The following ARMH3 variants were observed in gnomAD, a reference collection of about 807,000 sequenced individuals.
ARMH3 encodes the protein armadillo-like helical domain-containing protein 3.
ARMH3 carries 60 observed loss-of-function variants against 99.1 expected under a neutral mutation model. The ratio of observed to expected loss-of-function variants is 0.61; its 90% confidence interval spans 0.49 to 0.75. The LOEUF (loss-of-function observed/expected upper bound fraction) is 0.75, where lower values mean the gene tolerates loss of function less well. Among genes scored for constraint, ARMH3 ranks in the 30% least tolerant of loss-of-function variants. The probability of loss-of-function intolerance (pLI) is 0.00; values close to 1 mark genes in which losing one functional copy is unlikely to be tolerated. For missense variants in ARMH3, 679 were observed against 843.1 expected (o/e 0.81, Z 2.41); for synonymous variants, 285 against 292.8 (o/e 0.97, Z 0.27).
At chr10:101,914,623 TG>T (rs1307318233) in intron 23 of ARMH3, among the ~76,000 whole-genome samples, 3 of 151,964 alleles carry the variant, frequency 2.0e-5, no homozygotes, top group Non-Finnish European at 4.4e-5. Context: ...CCCAGCACTT[TG>T]GGAGGCCGAG....
At chr10:102,011,697 G>T (rs772046777) in intron 11 of ARMH3, 26 bp downstream of exon 11, 1 of 1,569,380 alleles carries the variant, frequency 6.4e-7, no homozygotes. Flanking sequence ...GTTTTTTTCA[G>T]GAGAAAAAAA....
At chr10:101,944,551 C>T (rs1350371321) in intron 22 of ARMH3, among the ~76,000 whole-genome samples, 2 of 152,034 alleles carry the variant, frequency 1.3e-5, no homozygotes, top group African/African-American at 2.4e-5. Flanking sequence ...TGGTTACTCA[C>T]GCTTGTAATC....
In ARMH3 at chr10:101,921,389, G is replaced by T. The variant is rs79234761; in HGVS notation, c.1781+18474C>A. Among the ~76,000 whole-genome samples, 777 of 152,252 alleles carry T rather than the reference G, an allele frequency of 5.1e-3. 6 individuals are homozygous for T. The highest frequency in any genetic ancestry group is 0.017 in the African/African-American group (712 of 41,534). ...GAAGGGTCATGAGGGAACTTTCTAGGTTGAACTTTCTGGGGTTCTATGTCC... is the reference window on the plus strand; with the variant it reads ...GAAGGGTCATGAGGGAACTTTCTAGTTTGAACTTTCTGGGGTTCTATGTCC... On this transcript the variant is annotated intron_variant, in intron 23 of 25. Coordinates refer to ENST00000370033, the MANE Select transcript of ARMH3 (RefSeq NM_024541.3).
chr10:101,903,047 G>A (rs1226366782), intron 23 of ARMH3, among the ~76,000 whole-genome samples: 1 of 152,206 alleles, frequency 6.6e-6, no homozygotes, highest in Non-Finnish European at 1.5e-5. Flanking sequence ...ATACCAGAAA[G>A]AGCAGTAAGT....
chr10:102,011,712 G>A lies in ARMH3; in HGVS notation c.831+11C>T, dbSNP rs1590180830. The A allele has an allele frequency of 1.3e-6, 2 of 1,578,676 alleles. No homozygotes were observed. The highest frequency in any genetic ancestry group is 1.7e-6 in the Non-Finnish European group (2 of 1,162,624). ...GTTTTTTTCAGGAGAAAAAAAAAAAGCAGGACTTACCATATTTGTTAAAGC... is the reference window on the plus strand; with the variant it reads ...GTTTTTTTCAGGAGAAAAAAAAAAAACAGGACTTACCATATTTGTTAAAGC... On this transcript the variant is annotated intron_variant, in intron 11 of 25. Transcript: ENST00000370033.
intron 21 of ARMH3, among the ~76,000 whole-genome samples, chr10:101,957,362 C>CA (rs1216150407): frequency 6.6e-6 from 1 of 152,144 alleles, no homozygotes; most frequent in Admixed American, 6.5e-5. Context: ...CAGTAGTATA[C>CA]AGCAGTCTCT....
intron 8 of ARMH3, among the ~76,000 whole-genome samples, chr10:102,014,252 C>A (rs2066694995): frequency 6.6e-6 from 1 of 152,160 alleles, no homozygotes; most frequent in Admixed American, 6.5e-5. Flanking sequence ...ATACACACCT[C>A]AGTTCTGTTC....
At position 102,025,189 on chromosome 10, in the gene ARMH3, ACT is replaced by A; in HGVS notation, c.472_473del (p.Ser158PhefsTer15). On this transcript the variant is annotated frameshift_variant, in exon 6 of 26. Coordinates refer to ENST00000370033, the MANE Select transcript of ARMH3 (RefSeq NM_024541.3). LOFTEE classifies it high-confidence loss of function. ...LCAEGSESLK[S>X]LCLKLLLCLV... is the part of the protein sequence containing the mutation. Reference sequence around the variant, plus strand: ...AGCAAAGGAGAAGTTTCAGACATAAACTCTTCAGACTTTCAGAACCTTCTGCA... The same window carrying A: ...AGCAAAGGAGAAGTTTCAGACATAAACTTCAGACTTTCAGAACCTTCTGCA... 6.2e-7 allele frequency: 1 copy of A among 1,613,818 alleles called. No homozygotes were observed. The highest frequency in any genetic ancestry group is 1.1e-5 in the South Asian group (1 of 91,056).
At chr10:101,976,840 G>T (rs1202511557) in intron 19 of ARMH3, among the ~76,000 whole-genome samples, 2 of 152,052 alleles carry the variant, frequency 1.3e-5, no homozygotes, top group Non-Finnish European at 2.9e-5. Flanking sequence ...TTTTAGTACA[G>T]ATGGGTTTCA....
At chr10:101,905,380 A>AT (rs1329185698) in intron 23 of ARMH3, among the ~76,000 whole-genome samples, 4 of 152,238 alleles carry the variant, frequency 2.6e-5, no homozygotes, top group Non-Finnish European at 5.9e-5. Context: ...CCATTTAGTG[A>AT]TGGACAGACA....
intron 6 of ARMH3, among the ~76,000 whole-genome samples, chr10:102,024,656 CA>C (rs775755608): frequency 1.4e-3 from 180 of 128,822 alleles, no homozygotes; most frequent in Middle Eastern, 4.2e-3. Flanking sequence ...ACTAAAAGTA[CA>C]AAAAAAAAAA....
At chr10:102,046,359 G>GA (rs764865952) in intron 1 of ARMH3, among the ~76,000 whole-genome samples, 1 of 150,974 alleles carries the variant, frequency 6.6e-6, no homozygotes, top group African/African-American at 2.4e-5. Context: ...AAAAGAAAAA[G>GA]AAAAGAAAAG....
intron 24 of ARMH3, among the ~76,000 whole-genome samples, chr10:101,872,989 T>C (rs1164251490): frequency 3.3e-5 from 5 of 151,428 alleles, no homozygotes; most frequent in African/African-American, 1.2e-4. Flanking sequence ...GTAATAAGTA[T>C]ACTACATACC....
intron 24 of ARMH3, among the ~76,000 whole-genome samples, chr10:101,852,682 G>A (rs2066631470): frequency 6.6e-6 from 1 of 151,840 alleles, no homozygotes; most frequent in South Asian, 2.1e-4. Context: ...CTGGAAGGCA[G>A]AGGATGCCAT....
At chr10:101,920,483 T>A (rs1452774902) in intron 23 of ARMH3, among the ~76,000 whole-genome samples, 1 of 152,096 alleles carries the variant, frequency 6.6e-6, no homozygotes, top group African/African-American at 2.4e-5. Context: ...CTTAAATGTT[T>A]TTCTGTGGTG....
At chr10:101,927,926 T>C (rs2135645836) in intron 23 of ARMH3, among the ~76,000 whole-genome samples, 1 of 152,122 alleles carries the variant, frequency 6.6e-6, no homozygotes, top group African/African-American at 2.4e-5. Flanking sequence ...TACAAAAAAC[T>C]AGCCGGGTGT....
At chr10:102,032,978 T>C (rs1009729844) in intron 4 of ARMH3, 48 bp downstream of exon 4, 1 of 1,600,124 alleles carries the variant, frequency 6.2e-7, no homozygotes, top group Admixed American at 1.7e-5. Flanking sequence ...TGTGTTACAA[T>C]TCCTTTCTCC....
intron 2 of ARMH3, among the ~76,000 whole-genome samples, chr10:102,035,361 T>C (rs1029192379): frequency 3.9e-5 from 6 of 151,988 alleles, no homozygotes; most frequent in Admixed American, 3.9e-4. Flanking sequence ...CGAGACTCAG[T>C]CTCAAAAAAG....
intron 24 of ARMH3, among the ~76,000 whole-genome samples, chr10:101,852,514 G>C (rs1349610104): frequency 4.6e-5 from 7 of 152,192 alleles, no homozygotes; most frequent in African/African-American, 1.7e-4. Flanking sequence ...CCAGCACTTT[G>C]GGAGGCCGAG....
Sources: allele counts gnomAD v4.1 joint callset (sites outside exome capture counted in the v4.1 genomes callset), GRCh38; gene constraint gnomAD v4.1.1; transcripts MANE v1.5; gene names NCBI Gene and HGNC (gene_info 2026-07-23, HGNC 2026-07-21).